Variants in GART observed in about 807,000 individuals in gnomAD.
GART encodes trifunctional purine biosynthetic protein adenosine-3.
GART carries 43 observed loss-of-function variants against 107.2 expected under a neutral mutation model. The ratio of observed to expected loss-of-function variants is 0.40; its 90% CI spans 0.31 to 0.52. GART has a LOEUF of 0.52. Among genes scored for constraint, GART ranks in the 20% least tolerant of loss-of-function variants. The pLI is 0.52. For synonymous variants in GART, 434 were observed against 427.0 expected (o/e 1.02, Z -0.20); for missense variants, 1,107 against 1,206.5 (o/e 0.92, Z 1.22).
At chr21:33,511,491 CCTACCTTCTCACA>C in intron 16 of GART, 33 bp from the exon 17 acceptor site, 1 of 1,593,586 alleles carries the variant, frequency 6.3e-7, no homozygotes, top group Non-Finnish European at 8.6e-7. Context: ...GTTTGATTTT[CCTACCTTCTCACA>C]CAAAGTACAA....
At chr21:33,517,739 T>C (rs972001515) in intron 14 of GART, 131 bp from the exon 15 acceptor site, 1 of 909,648 alleles carries the variant, frequency 1.1e-6, no homozygotes, top group African/African-American at 1.7e-5. Flanking sequence ...GAAAATGTAC[T>C]CTACCAGCTG....
intron 6 of GART, 95 bp from the exon 7 acceptor site, chr21:33,530,979 T>TA (rs2085176248): frequency 2.5e-6 from 3 of 1,223,594 alleles, no homozygotes. Context: ...AATTCTTCTT[T>TA]GAGGAAAAGT....
At chr21:33,508,909 G>A (rs2084734519) in intron 18 of GART, among the ~76,000 whole-genome samples, 1 of 152,142 alleles carries the variant, frequency 6.6e-6, no homozygotes. Context: ...TTCTGAGGCA[G>A]TTCACTCAGG....
chr21:33,511,514 A>C, intron 16 of GART, 56 bp from the exon 17 acceptor site: 2 of 1,497,680 alleles, frequency 1.3e-6, no homozygotes, highest in South Asian at 2.3e-5. Context: ...ACAAAGTACA[A>C]AAGTATGCAC....
chr21:33,508,515 CTTTTTTTTTTT>C (rs764380446), intron 18 of GART, among the ~76,000 whole-genome samples: 3 of 109,842 alleles, frequency 2.7e-5, no homozygotes, highest in Non-Finnish European at 3.7e-5. Context: ...TTGTTTCCAT[CTTTTTTTTTTT>C]TTTTTTTTTT....
intron 11 of GART, among the ~76,000 whole-genome samples, chr21:33,523,689 G>A (rs933450411): frequency 2.0e-5 from 3 of 152,042 alleles, no homozygotes; most frequent in East Asian, 3.9e-4. Flanking sequence ...AAATCAGGCC[G>A]GGCACGGTGG....
At chr21:33,519,447 G>T (rs1168848435) in intron 14 of GART, among the ~76,000 whole-genome samples, 1 of 151,830 alleles carries the variant, frequency 6.6e-6, no homozygotes, top group Admixed American at 6.6e-5. Flanking sequence ...CCAGCTACTC[G>T]GGAGGCTGAG....
intron 1 of GART, among the ~76,000 whole-genome samples, chr21:33,541,430 C>A (rs1043349300): frequency 3.3e-5 from 5 of 152,190 alleles, no homozygotes; most frequent in Non-Finnish European, 5.9e-5. Flanking sequence ...ACATCACATC[C>A]GGCCAGAAAT....
chr21:33,524,122 A>T, intron 11 of GART: 1 of 985,444 alleles, frequency 1.0e-6, no homozygotes, highest in Non-Finnish European at 1.2e-6. Flanking sequence ...CAGTGATAAA[A>T]TGAGACTGTC....
chr21:33,533,296 TG>T lies in GART; in HGVS notation c.417-841del, dbSNP rs555042774. 9.9e-5 allele frequency among the ~76,000 whole-genome samples: 15 copies of T among 151,436 alleles called. No homozygotes were observed. In the South Asian group the frequency reaches 2.9e-3, roughly 29 times the overall value. On this transcript the variant is annotated intron_variant, in intron 4 of 21. Coordinates refer to ENST00000381815, the MANE Select transcript of GART (RefSeq NM_000819.5). ...CTTCTAAAAATACAAAAAATTAGCC[TG>T]GAGTGGTGGTGGGCGCCTGTATTCC...
chr21:33,542,808 AAG>A (rs1447664490), upstream of GART: 3 of 519,198 alleles, frequency 5.8e-6, no homozygotes, highest in African/African-American at 3.8e-5. Flanking sequence ...CGGTCGCCTC[AAG>A]AGAGACGGCT....
At chr21:33,531,780 C>G in intron 5 of GART, 1 of 466,526 alleles carries the variant, frequency 2.1e-6, no homozygotes, top group East Asian at 3.3e-5. Flanking sequence ...ATAAACACAC[C>G]TCTAATATTC....
chr21:33,504,818 C>T (rs551805112), intron 20 of GART, among the ~76,000 whole-genome samples: 20 of 152,194 alleles, frequency 1.3e-4, no homozygotes, highest in African/African-American at 4.3e-4. Flanking sequence ...GTTGCTGGCA[C>T]GTACTATTAA....
intron 16 of GART, among the ~76,000 whole-genome samples, chr21:33,515,994 T>C (rs2145700372): frequency 6.6e-6 from 1 of 152,200 alleles, no homozygotes; most frequent in African/African-American, 2.4e-5. Flanking sequence ...ATGCCTGTAA[T>C]CCCAGTACTT....
At chr21:33,536,887 C>T (rs1288014153) in intron 2 of GART, among the ~76,000 whole-genome samples, 1 of 152,154 alleles carries the variant, frequency 6.6e-6, no homozygotes, top group Non-Finnish European at 1.5e-5. Flanking sequence ...TGAAATTTTC[C>T]ATTTAATATT....
In GART at chr21:33,539,026, T is replaced by C; in HGVS notation, c.145+145A>G. On this transcript the variant is annotated intron_variant, in intron 2 of 21. Coordinates refer to ENST00000381815, the MANE Select transcript of GART (RefSeq NM_000819.5). ...CCATCTCCTGACCTCATGATCCGCA[T>C]ATCTCGGCCTCCCAAAGTGCTGGGA... is the stretch of plus-strand genomic sequence containing the variant. The C allele has an allele frequency of 6.6e-6, 4 of 607,490 alleles. No individual in the cohort carries two copies. In the South Asian group the frequency reaches 7.1e-5, roughly 11 times the overall value. 37.6% of individuals were successfully genotyped at this position (607,490 alleles called of 1,614,324 possible). A position where few individuals can be genotyped will look rare whatever the true frequency, so the allele number is the denominator to read the frequency against.
At chr21:33,509,674 C>A (rs2084748404) in intron 18 of GART, 109 bp downstream of exon 18, 3 of 1,083,398 alleles carry the variant, frequency 2.8e-6, no homozygotes, top group Non-Finnish European at 3.9e-6. Context: ...CTCATGATTC[C>A]CCCCAGTCCC....
chr21:33,508,194 G>T (rs1435042066), intron 18 of GART, among the ~76,000 whole-genome samples: 3 of 152,110 alleles, frequency 2.0e-5, no homozygotes, highest in Non-Finnish European at 2.9e-5. Flanking sequence ...TGTATCTTGT[G>T]ATCTAGCATT....
chr21:33,524,920 C>G lies in GART; in HGVS notation c.1147G>C (p.Gly383Arg), dbSNP rs757839115. The G allele has an allele frequency of 3.1e-6, 5 of 1,614,224 alleles. No homozygotes were observed. Among genetic ancestry groups the G allele is most frequent in the African/African-American group, 1.3e-5 (1 of 75,048 alleles). Reference protein sequence around the residue: ...ALKNGKVVTHGGRVLAVTAIR... With the variant: ...ALKNGKVVTHRGRVLAVTAIR... ...GCTGTGACTGCAAGAACTCTACCCC[C>G]ATGAGTTACTACTTTGCCATTTTTG... Residue 383 changes from glycine to arginine, a missense_variant, in exon 11 of 22, where the codon GGG (glycine) becomes CGG (arginine). Physicochemically the swap from Gly to Arg is moderately radical, Grantham distance 125. Coordinates refer to ENST00000381815, the MANE Select transcript of GART (RefSeq NM_000819.5).
Sources: gnomAD v4.1 joint callset for allele counts (sites outside exome capture counted in the v4.1 genomes callset) on GRCh38, gnomAD v4.1.1 for gene constraint, MANE v1.5 for transcripts, NCBI Gene and HGNC (gene_info 2026-07-23, HGNC 2026-07-21) for gene names.